The following KANSL1L variants were observed in gnomAD, a reference collection of about 807,000 sequenced individuals.
The protein encoded by KANSL1L is KAT8 regulatory NSL complex subunit 1 like.
KANSL1L carries 25 observed loss-of-function variants against 108.6 expected under a neutral mutation model. The observed-to-expected ratio is 0.23, with a 90% CI of 0.17 to 0.32. The LOEUF is 0.32. Ranked by LOEUF, KANSL1L falls within the 10% of genes least tolerant of loss-of-function variation. The pLI is 1.00. For missense variants in KANSL1L, 1,137 were observed against 1,125.7 expected (o/e 1.01, Z -0.14); for synonymous variants, 405 against 395.1 (o/e 1.03, Z -0.30).
chr2:210,133,689 A>G (rs1475206558), intron 2 of KANSL1L, among the ~76,000 whole-genome samples: 1 of 152,136 alleles, frequency 6.6e-6, no homozygotes, highest in Non-Finnish European at 1.5e-5. Flanking sequence ...ATGTATAGCC[A>G]TACAGCATTG....
At chr2:210,085,606 A>G (rs894600084) in intron 5 of KANSL1L, among the ~76,000 whole-genome samples, 5 of 152,094 alleles carry the variant, frequency 3.3e-5, no homozygotes, top group Admixed American at 2.6e-4. Context: ...TAAAAGCTGA[A>G]ATATTTTTCA....
At chr2:210,164,734 C>G (rs2125682888) in intron 1 of KANSL1L, among the ~76,000 whole-genome samples, 1 of 152,022 alleles carries the variant, frequency 6.6e-6, no homozygotes, top group East Asian at 1.9e-4. Context: ...GAAAATATAT[C>G]AGTCCTCTTT....
At position 210,169,054 on chromosome 2, in the gene KANSL1L, TAAAC is replaced by T. The variant is rs774809852; in HGVS notation, c.-30+2091_-30+2094del. 3.9e-5 allele frequency among the ~76,000 whole-genome samples: 6 copies of T among 152,098 alleles called. No homozygotes were observed. In the East Asian group the frequency reaches 7.7e-4, roughly 20 times the overall value. On this transcript the variant is annotated intron_variant, in intron 1 of 14. Coordinates refer to ENST00000281772, the MANE Select transcript of KANSL1L (RefSeq NM_152519.4). ...AGTTTTAAAGCCTAATACTAGGTGA[TAAAC>T]AAAGACATAATGGGAGGCACACACA... is the stretch of plus-strand genomic sequence containing the variant.
intron 3 of KANSL1L, among the ~76,000 whole-genome samples, chr2:210,113,360 T>A (rs2094926648): frequency 6.6e-6 from 1 of 152,046 alleles, no homozygotes; most frequent in Non-Finnish European, 1.5e-5. Context: ...AAAATAAGAT[T>A]TTAACTATAC....
At chr2:210,067,534 CA>C (rs1054899489) in intron 6 of KANSL1L, among the ~76,000 whole-genome samples, 4 of 151,794 alleles carry the variant, frequency 2.6e-5, no homozygotes, top group Admixed American at 6.6e-5. Flanking sequence ...CCCATCTCTG[CA>C]AAAAATATAA....
At chr2:210,115,763 T>C (rs1414019863) in intron 3 of KANSL1L, among the ~76,000 whole-genome samples, 2 of 152,162 alleles carry the variant, frequency 1.3e-5, no homozygotes, top group African/African-American at 4.8e-5. Flanking sequence ...TCCAAAACTT[T>C]CCTTTCCTTC....
chr2:210,053,841 T>C (rs1405693644), intron 6 of KANSL1L, among the ~76,000 whole-genome samples: 3 of 151,822 alleles, frequency 2.0e-5, no homozygotes, highest in African/African-American at 7.3e-5. Flanking sequence ...AAAAATGTAA[T>C]AAAATATAAT....
intron 6 of KANSL1L, among the ~76,000 whole-genome samples, chr2:210,060,499 A>G (rs1012226347): frequency 2.0e-5 from 3 of 152,262 alleles, no homozygotes; most frequent in Non-Finnish European, 4.4e-5. Flanking sequence ...ATAAAAAATG[A>G]AAAAATTATC....
chr2:210,133,160 G>A (rs368952051), intron 2 of KANSL1L, among the ~76,000 whole-genome samples: 3 of 152,044 alleles, frequency 2.0e-5, no homozygotes, highest in East Asian at 3.9e-4. Context: ...AAAATCTGCG[G>A]AAATGGTCAA....
At chr2:210,071,324 G>A (rs934484593) in intron 6 of KANSL1L, among the ~76,000 whole-genome samples, 2 of 151,634 alleles carry the variant, frequency 1.3e-5, no homozygotes, top group African/African-American at 4.8e-5. Flanking sequence ...CTGGAGTGCA[G>A]TGGCATGATC....
chr2:210,098,079 T>C lies in KANSL1L; in HGVS notation c.1550+7A>G. ...TTTAAAAGCTAAGCTATTCCATTGATACCTACCTCCTGTAAATGCCATTAG... is the reference window on the plus strand; with the variant it reads ...TTTAAAAGCTAAGCTATTCCATTGACACCTACCTCCTGTAAATGCCATTAG... On this transcript the variant is annotated splice_region_variant and intron_variant, in intron 5 of 14. Transcript: ENST00000281772. The C allele has an allele frequency of 6.2e-7, 1 of 1,601,850 alleles. No individual in the cohort carries two copies.
In KANSL1L at chr2:210,154,094, T is replaced by G; in HGVS notation, c.489A>C (p.Val163=). 6.2e-7 allele frequency: 1 copy of G among 1,613,764 alleles called. No individual in the cohort carries two copies. The highest frequency in any genetic ancestry group is 1.1e-5 in the South Asian group (1 of 91,028). The change falls in exon 2 of 15, where the codon GTA becomes GTC. Residue 163 remains valine (V), a synonymous_variant. Coordinates refer to ENST00000281772, the MANE Select transcript of KANSL1L (RefSeq NM_152519.4). The stretch of plus-strand genomic sequence containing the variant: ...TACAGTTTTGTAGTTGTACTTTATC[T>G]ACATTAGTGTCTTTGGTTATATTTG... ...LDSNITKDTN[V]DKVQLQNCKW...
intron 8 of KANSL1L, among the ~76,000 whole-genome samples, chr2:210,034,421 G>A (rs182357205): frequency 5.5e-4 from 84 of 152,278 alleles, no homozygotes; most frequent in African/African-American, 1.9e-3. Flanking sequence ...GGACAAATTT[G>A]GGAACTGAAC....
chr2:210,144,925 T>G (rs1414810310), intron 2 of KANSL1L, among the ~76,000 whole-genome samples: 1 of 152,236 alleles, frequency 6.6e-6, no homozygotes, highest in Non-Finnish European at 1.5e-5. Context: ...GCATAGTTGA[T>G]GAAGCAGTCA....
chr2:210,130,369 T>C (rs1230948643), intron 2 of KANSL1L, among the ~76,000 whole-genome samples: 1 of 152,222 alleles, frequency 6.6e-6, no homozygotes, highest in Non-Finnish European at 1.5e-5. Context: ...TGGACCATAA[T>C]GGAATATCTT....
At position 210,086,955 on chromosome 2, in the gene KANSL1L, C is replaced by G. The variant is rs183728013; in HGVS notation, c.1550+11131G>C. ...GAATGTAGCTGAAATGTTTAAAAGG[C>G]CTTTAAATAACAAAAAGAGATCTCA... is the stretch of plus-strand genomic sequence containing the variant. On this transcript the variant is annotated intron_variant, in intron 5 of 14. Coordinates refer to ENST00000281772, the MANE Select transcript of KANSL1L (RefSeq NM_152519.4). 1.2e-3 allele frequency among the ~76,000 whole-genome samples: 185 copies of G among 151,812 alleles called. 1 individual carries two copies. Among genetic ancestry groups the G allele is most frequent in the African/African-American group, 4.3e-3 (177 of 41,412 alleles).
intron 2 of KANSL1L, among the ~76,000 whole-genome samples, chr2:210,135,525 G>A (rs193139834): frequency 1.3e-3 from 203 of 152,146 alleles, no homozygotes; most frequent in Non-Finnish European, 1.9e-3. Context: ...TAAAACGTGA[G>A]CCAAAATTAT....
At chr2:210,057,354 A>T (rs914560601) in intron 6 of KANSL1L, among the ~76,000 whole-genome samples, 1 of 152,122 alleles carries the variant, frequency 6.6e-6, no homozygotes, top group Non-Finnish European at 1.5e-5. Flanking sequence ...GTGAGCCAAG[A>T]TCGTTGACAC....
chr2:210,040,912 A>AG (rs2094157386), intron 7 of KANSL1L, among the ~76,000 whole-genome samples: 1 of 152,150 alleles, frequency 6.6e-6, no homozygotes, highest in Non-Finnish European at 1.5e-5. Context: ...GGCTGACTCT[A>AG]AATCCATTCC....
Sources: gnomAD v4.1 joint callset for allele counts (sites outside exome capture counted in the v4.1 genomes callset) on GRCh38, gnomAD v4.1.1 for gene constraint, MANE v1.5 for transcripts, NCBI Gene and HGNC (gene_info 2026-07-23, HGNC 2026-07-21) for gene names.